The following PHF3 variants were observed in gnomAD, a reference collection of about 807,000 sequenced individuals.
PHF3 encodes PHD finger protein 3.
PHF3 carries 41 observed loss-of-function variants against 178.4 expected under a neutral mutation model. The ratio of observed to expected loss-of-function variants is 0.23; its 90% CI spans 0.18 to 0.30. PHF3 has a LOEUF of 0.30. Ranked by LOEUF, PHF3 falls within the 10% of genes least tolerant of loss-of-function variation. The pLI is 1.00. For synonymous variants in PHF3, 842 were observed against 800.5 expected, an observed-to-expected ratio of 1.05 and a Z score of -0.88; for missense variants, 2,346 against 2,398.1, an observed-to-expected ratio of 0.98 and a Z score of 0.45.
At chr6:63,669,353 T>C (rs948247066) in intron 2 of PHF3, among the ~76,000 whole-genome samples, 9 of 152,236 alleles carry the variant, frequency 5.9e-5, no homozygotes, top group African/African-American at 1.9e-4. Context: ...GTACTGTTTT[T>C]GTAGGTAAGG....
At chr6:63,687,298 C>T (rs941110542) in intron 4 of PHF3, among the ~76,000 whole-genome samples, 2 of 152,106 alleles carry the variant, frequency 1.3e-5, no homozygotes, top group Admixed American at 1.3e-4. Context: ...CTGGTGCATG[C>T]ATATAATCCC....
chr6:63,715,457 G>A lies in PHF3; in HGVS notation c.*1749G>A, dbSNP rs970470261. On this transcript the variant is annotated 3_prime_UTR_variant, in exon 16 of 16. Transcript: ENST00000262043. ...CATTTCAATTTCAAATGTGTATATC[G>A]TCAATAAATCTACCTTTACTGATAT... 2 of 152,164 alleles carry A rather than the reference G, an allele frequency of 1.3e-5. No individual in the cohort carries two copies. The highest frequency in any genetic ancestry group is 2.1e-4 in the South Asian group (1 of 4,826). The allele number at this position is 152,164 out of a possible 1,614,324, so 9.4% of individuals were successfully genotyped here.
Position 63,691,902 on chromosome 6 carries a change from G to C in PHF3, c.2355G>C (p.Leu785Phe). Residue 785 changes from leucine (L) to phenylalanine (F), a missense_variant, in exon 5 of 16, where the codon TTG becomes TTC. This residue lies in a region of PHF3 where 252 missense variants were observed against 232.0 expected (regional missense o/e 1.09). Transcript: ENST00000262043. Reference protein sequence around the residue: ...KKTEILDPDTLENQATVEFHS... With the variant: ...KKTEILDPDTFENQATVEFHS... ...CTGAAATACTAGATCCAGATACTTTGGAAAACCAAGCTACAGTTGAATTCC... is the reference window on the plus strand; with the variant it reads ...CTGAAATACTAGATCCAGATACTTTCGAAAACCAAGCTACAGTTGAATTCC... 1 of 1,613,666 alleles carries C rather than the reference G, an allele frequency of 6.2e-7. No individual in the cohort carries two copies. Among genetic ancestry groups the C allele is most frequent in the South Asian group, 1.1e-5 (1 of 91,068 alleles).
At chr6:63,686,372 TAAA>T (rs1481445263) in intron 4 of PHF3, 3 of 153,386 alleles carry the variant, frequency 2.0e-5, no homozygotes, top group Non-Finnish European at 4.4e-5. Flanking sequence ...TGAAACATAT[TAAA>T]GAACACCATT....
intron 2 of PHF3, among the ~76,000 whole-genome samples, chr6:63,647,595 A>G (rs943797448): frequency 6.6e-6 from 1 of 152,126 alleles, no homozygotes; most frequent in Non-Finnish European, 1.5e-5. Context: ...TCAAAATTAC[A>G]TATGTGTCTT....
chr6:63,715,993 C>G lies in PHF3; in HGVS notation c.*2285C>G, dbSNP rs1441022472. ...TACACTTAAAAAAACTTAGAATCAT[C>G]TTAAGACAGTGAATGCATACCTCTA... is the stretch of plus-strand genomic sequence containing the variant. On this transcript the variant is annotated 3_prime_UTR_variant, in exon 16 of 16. Coordinates refer to ENST00000262043, the MANE Select transcript of PHF3 (RefSeq NM_001370348.2). Among the ~76,000 whole-genome samples, 1 of 152,120 alleles carries G rather than the reference C, an allele frequency of 6.6e-6. No homozygotes were observed. Among genetic ancestry groups the G allele is most frequent in the Non-Finnish European group, 1.5e-5 (1 of 68,018 alleles).
Position 63,718,046 on chromosome 6 carries a change from C to G in PHF3, c.*4338C>G, listed in dbSNP as rs919958308. ...GTCAACACCATTATCACCAGGATAG[C>G]AAAAATAGGAAGCGGGAATAGTGTT... is the stretch of plus-strand genomic sequence containing the variant. On this transcript the variant is annotated 3_prime_UTR_variant, in exon 16 of 16. Transcript: ENST00000262043. Among the ~76,000 whole-genome samples, 3 of 151,876 alleles carry G rather than the reference C, an allele frequency of 2.0e-5. No homozygotes were observed. The highest frequency in any genetic ancestry group is 7.3e-5 in the African/African-American group (3 of 41,374).
rs1055302568 is a variant in PHF3, at chr6:63,724,812, T to G, written c.*11104T>G. 1.3e-5 allele frequency among the ~76,000 whole-genome samples: 2 copies of G among 152,140 alleles called. No individual in the cohort carries two copies. The highest frequency in any genetic ancestry group is 2.9e-5 in the Non-Finnish European group (2 of 68,000). On this transcript the variant is annotated 3_prime_UTR_variant, in exon 16 of 16. Coordinates refer to ENST00000262043, the MANE Select transcript of PHF3 (RefSeq NM_001370348.2). Reference sequence around the variant, plus strand: ...GGTTTTCAATATGTGAAAACCACATTGGCTGCTTTTATTAAAATTTTTGGA... The same window carrying G: ...GGTTTTCAATATGTGAAAACCACATGGGCTGCTTTTATTAAAATTTTTGGA...
At chr6:63,638,446 CCTT>C (rs1412836935) in intron 1 of PHF3, among the ~76,000 whole-genome samples, 4 of 151,972 alleles carry the variant, frequency 2.6e-5, no homozygotes, top group Admixed American at 6.6e-5. Context: ...ATACATTTTG[CCTT>C]CTTAAGATCC....
chr6:63,643,831 A>G (rs1390413747), intron 1 of PHF3, among the ~76,000 whole-genome samples: 1 of 152,228 alleles, frequency 6.6e-6, no homozygotes, highest in Non-Finnish European at 1.5e-5. Context: ...TCGATCTTCA[A>G]GAAATATATT....
chr6:63,701,408 T>C (rs1767470387), intron 9 of PHF3, among the ~76,000 whole-genome samples: 1 of 152,196 alleles, frequency 6.6e-6, no homozygotes, highest in South Asian at 2.1e-4. Flanking sequence ...GATTGTGAAC[T>C]TAAAGGTATT....
At chr6:63,687,061 T>A (rs1461580611) in intron 4 of PHF3, among the ~76,000 whole-genome samples, 1 of 152,224 alleles carries the variant, frequency 6.6e-6, no homozygotes, top group Non-Finnish European at 1.5e-5. Context: ...TTGTCACTTG[T>A]TTGAATACAG....
intron 2 of PHF3, among the ~76,000 whole-genome samples, chr6:63,661,715 TAAG>T (rs1030027335): frequency 6.6e-6 from 1 of 152,212 alleles, no homozygotes; most frequent in Non-Finnish European, 1.5e-5. Context: ...AATATATTGA[TAAG>T]AAGATGAGTT....
At chr6:63,677,651 C>CT (rs1448082116) in intron 2 of PHF3, among the ~76,000 whole-genome samples, 2 of 152,028 alleles carry the variant, frequency 1.3e-5, no homozygotes, top group Admixed American at 6.6e-5. Flanking sequence ...TTGGATGGTT[C>CT]TTTTTTTCTC....
In PHF3 at chr6:63,712,714, G is replaced by A. The variant is rs143251312; in HGVS notation, c.5126G>A (p.Cys1709Tyr). The change falls in exon 16 of 16, where the codon TGT becomes TAT. Residue 1709 changes from cysteine to tyrosine, a missense_variant. This residue lies in a region of PHF3 where 839 missense variants were observed against 806.9 expected (regional missense o/e 1.04). Transcript: ENST00000262043. ...TTGTGTTCTGCAGAGAAAAACTCGT[G>A]TGTTCAGCAGAGTGACAATTTAAAA... ...EKLCSAEKNS[C>Y]VQQSDNLKVA... The A allele has an allele frequency of 5.6e-6, 9 of 1,613,868 alleles. No homozygotes were observed. The Admixed American group carries it at 1.0e-4, about 18-fold the overall frequency.
intron 1 of PHF3, among the ~76,000 whole-genome samples, chr6:63,646,005 A>G (rs1046606083): frequency 1.3e-5 from 2 of 152,034 alleles, no homozygotes; most frequent in African/African-American, 4.8e-5. Flanking sequence ...CCCTTTGTCT[A>G]TATATATATT....
At chr6:63,692,085 T>C in intron 5 of PHF3, 42 bp downstream of exon 5, 2 of 1,374,994 alleles carry the variant, frequency 1.5e-6, no homozygotes, top group Non-Finnish European at 2.0e-6. Context: ...ATTTAAGAGC[T>C]TTTTGTATGG....
rs1466198156 is a variant in PHF3 at position 63,722,474 on chromosome 6, G to A, written c.*8766G>A. On this transcript the variant is annotated 3_prime_UTR_variant, in exon 16 of 16. Transcript: ENST00000262043. ...TATCTCATTTTATAATTATATAGTC[G>A]TGTGAAGAAATAGGAACAAATACCA... is the stretch of plus-strand genomic sequence containing the variant. Among the ~76,000 whole-genome samples the A allele has an allele frequency of 3.9e-5, 6 of 151,978 alleles. No homozygotes were observed. The highest frequency in any genetic ancestry group is 8.8e-5 in the Non-Finnish European group (6 of 67,988).
chr6:63,659,099 T>C (rs1015167851), intron 2 of PHF3, among the ~76,000 whole-genome samples: 1 of 152,150 alleles, frequency 6.6e-6, no homozygotes, highest in East Asian at 1.9e-4. Flanking sequence ...TGACCAGATA[T>C]TGGGGAATCA....
Sources: gnomAD v4.1 joint callset for allele counts (sites outside exome capture counted in the v4.1 genomes callset) on GRCh38, gnomAD v4.1.1 for gene constraint, gnomAD v4.1.1 regional missense constraint, MANE v1.5 for transcripts, NCBI Gene and HGNC (gene_info 2026-07-23, HGNC 2026-07-21) for gene names.